ERGIC1: variants seen among roughly 807,000 people sequenced by gnomAD.
ERGIC1 encodes the protein endoplasmic reticulum-golgi intermediate compartment 1.
ERGIC1 carries 19 observed loss-of-function variants against 38.3 expected under a neutral mutation model. The ratio of observed to expected loss-of-function variants is 0.50; its 90% confidence interval spans 0.35 to 0.73. The LOEUF (loss-of-function observed/expected upper bound fraction) is 0.73. Among genes scored for constraint, ERGIC1 ranks in the 30% least tolerant of loss-of-function variants. ERGIC1 has a pLI of 0.01. For missense variants in ERGIC1, 294 were observed against 389.2 expected (o/e 0.76, Z 2.06); for synonymous variants, 124 against 157.6 (o/e 0.79, Z 1.60).
chr5:172,884,456 T>C (rs892255021), intron 1 of ERGIC1, among the ~76,000 whole-genome samples: 5 of 152,250 alleles, frequency 3.3e-5, no homozygotes, highest in South Asian at 2.1e-4. Context: ...GGTCTTGTTA[T>C]GTTGCCCAGG....
intron 7 of ERGIC1, among the ~76,000 whole-genome samples, chr5:172,930,542 C>G (rs1293567147): frequency 1.3e-5 from 2 of 152,020 alleles, no homozygotes; most frequent in Non-Finnish European, 2.9e-5. Context: ...GGGGTTTCAC[C>G]ATGTTGGCCA....
intron 9 of ERGIC1, among the ~76,000 whole-genome samples, chr5:172,939,685 T>A (rs1032559938): frequency 6.6e-6 from 1 of 152,196 alleles, no homozygotes; most frequent in African/African-American, 2.4e-5. Flanking sequence ...CCTCCTGACA[T>A]CATTAGCCTG....
At chr5:172,904,526 C>T (rs562423894) in intron 3 of ERGIC1, among the ~76,000 whole-genome samples, 144 of 152,350 alleles carry the variant, frequency 9.5e-4, no homozygotes, top group African/African-American at 3.2e-3. Flanking sequence ...CATAGGCCTT[C>T]CCACTGCCCA....
chr5:172,929,648 A>G (rs1209526886), intron 7 of ERGIC1, among the ~76,000 whole-genome samples: 2 of 152,228 alleles, frequency 1.3e-5, no homozygotes, highest in African/African-American at 4.8e-5. Flanking sequence ...GTCATTGTTT[A>G]TAAAATTGAA....
At position 172,939,861 on chromosome 5, in the gene ERGIC1, GACACACACGT is replaced by G. The variant is rs1000497119; in HGVS notation, c.765+4561_765+4570del. 1.2e-3 allele frequency among the ~76,000 whole-genome samples: 177 copies of G among 152,368 alleles called. 1 individual carries two copies. Among genetic ancestry groups the G allele is most frequent in the African/African-American group, 4.1e-3 (169 of 41,600 alleles). Reference sequence around the variant, plus strand: ...GATGTGGGGATGACGCCAGCACTCAGACACACACGTACACACACGGCACAAAGATCCCTGG... The same window carrying G: ...GATGTGGGGATGACGCCAGCACTCAGACACACACGGCACAAAGATCCCTGG... On this transcript the variant is annotated intron_variant, in intron 9 of 9. Transcript: ENST00000393784.
At chr5:172,891,950 C>T (rs928306923) in intron 2 of ERGIC1, among the ~76,000 whole-genome samples, 1 of 152,058 alleles carries the variant, frequency 6.6e-6, no homozygotes, top group South Asian at 2.1e-4. Context: ...TGAGGGTAGA[C>T]ATTCCCCATT....
At chr5:172,891,486 T>C (rs1389231316) in intron 2 of ERGIC1, among the ~76,000 whole-genome samples, 1 of 151,936 alleles carries the variant, frequency 6.6e-6, no homozygotes, top group Non-Finnish European at 1.5e-5. Context: ...TCCCCCAGGC[T>C]GGAGTACAGT....
intron 3 of ERGIC1, among the ~76,000 whole-genome samples, chr5:172,903,968 T>C (rs201903831): frequency 3.2e-4 from 48 of 150,296 alleles, no homozygotes; most frequent in African/African-American, 9.5e-4. Flanking sequence ...GTCTCACACA[T>C]ACACACACAC....
chr5:172,913,940 A>G (rs1338270901), intron 4 of ERGIC1, among the ~76,000 whole-genome samples: 1 of 152,118 alleles, frequency 6.6e-6, no homozygotes. Context: ...CATAAACCCA[A>G]AAACTCTCTG....
chr5:172,940,114 G>A (rs1763977534), intron 9 of ERGIC1, among the ~76,000 whole-genome samples: 1 of 152,142 alleles, frequency 6.6e-6, no homozygotes, highest in Admixed American at 6.5e-5. Context: ...AGCTGTGGGT[G>A]GGCTGGAGGG....
intron 9 of ERGIC1, 171 bp downstream of exon 9, chr5:172,935,481 T>G (rs1252384642): frequency 1.3e-5 from 10 of 792,030 alleles, no homozygotes; most frequent in Admixed American, 8.6e-5. Context: ...CTGAGAAATG[T>G]TGTCAGAAAC....
Position 172,861,046 on chromosome 5 carries a change from A to G in ERGIC1, c.20+26613A>G, listed in dbSNP as rs116342643. On this transcript the variant is annotated intron_variant, in intron 1 of 9. Transcript: ENST00000393784. ...CTCTGCTTCAAATCCACCGCCGAAA[A>G]CAAGCTGAGTCCTGCCCCAGCCTGC... Among the ~76,000 whole-genome samples, 704 of 152,160 alleles carry G rather than the reference A, an allele frequency of 4.6e-3. 6 individuals are homozygous for G. The highest frequency in any genetic ancestry group is 0.016 in the African/African-American group (681 of 41,522).
chr5:172,935,068 C>T (rs1158095186), intron 8 of ERGIC1, 120 bp from the exon 9 acceptor site: 2 of 1,449,950 alleles, frequency 1.4e-6, no homozygotes, highest in Admixed American at 1.7e-5. Flanking sequence ...AGTCTGGCTT[C>T]GTGGGGCAGA....
chr5:172,909,572 TGTG>T, intron 3 of ERGIC1, 92 bp from the exon 4 acceptor site: 2 of 1,139,852 alleles, frequency 1.8e-6, no homozygotes, highest in Non-Finnish European at 2.7e-6. Context: ...TTATCTAAGT[TGTG>T]GTCACCAAGT....
rs556735021 is a variant in ERGIC1 at position 172,905,963 on chromosome 5, C to G, written c.156-3704C>G. On this transcript the variant is annotated intron_variant, in intron 3 of 9. Transcript: ENST00000393784. ...TATTTCAGTGAGCTCCCTTTACTAC[C>G]TGATTGGTCAGGTGTGAGCTGAGTT... is the stretch of plus-strand genomic sequence containing the variant. 6.5e-4 allele frequency: 273 copies of G among 420,228 alleles called. 1 individual carries two copies. The highest frequency in any genetic ancestry group is 1.2e-3 in the Admixed American group (45 of 36,964). The allele number at this position is 420,228 out of a possible 1,614,324, so 26.0% of individuals were successfully genotyped here.
At chr5:172,858,958 T>C (rs960499214) in intron 1 of ERGIC1, among the ~76,000 whole-genome samples, 7 of 152,230 alleles carry the variant, frequency 4.6e-5, no homozygotes, top group African/African-American at 1.7e-4. Flanking sequence ...CTACAAGGCC[T>C]GTGGCTGGGG....
At chr5:172,909,137 C>G (rs1392579339) in intron 3 of ERGIC1, among the ~76,000 whole-genome samples, 3 of 151,044 alleles carry the variant, frequency 2.0e-5, no homozygotes, top group African/African-American at 4.9e-5. Context: ...TGACCCCACC[C>G]CTTCTCTTTC....
chr5:172,869,496 C>A (rs996873211), intron 1 of ERGIC1, among the ~76,000 whole-genome samples: 3 of 152,130 alleles, frequency 2.0e-5, no homozygotes, highest in East Asian at 3.9e-4. Context: ...GGCGCCAGAC[C>A]CCTCGGCTGG....
rs73323169 is a variant in ERGIC1, at chr5:172,839,855, G to A, written c.20+5422G>A. On this transcript the variant is annotated intron_variant, in intron 1 of 9. Transcript: ENST00000393784. ...AGAGTTCGGAAACACGGTCGTTCCC[G>A]TTCCTGGAGCTGGGATTGGAACACT... Among the ~76,000 whole-genome samples, 767 of 152,270 alleles carry A rather than the reference G, an allele frequency of 5.0e-3. 8 individuals are homozygous for A. The highest frequency in any genetic ancestry group is 0.017 in the African/African-American group (690 of 41,550).
Sources: gnomAD v4.1 joint callset for allele counts (sites outside exome capture counted in the v4.1 genomes callset) on GRCh38, gnomAD v4.1.1 for gene constraint, MANE v1.5 for transcripts, NCBI Gene and HGNC (gene_info 2026-07-23, HGNC 2026-07-21) for gene names.